MEA1: variants seen among roughly 807,000 people sequenced by gnomAD.
The protein encoded by MEA1 is male-enhanced antigen 1.
In MEA1, 22 loss-of-function variants were observed where a neutral mutation model predicts 21.4. That is an observed-to-expected ratio of 1.03 (90% CI 0.73 to 1.47). The LOEUF (loss-of-function observed/expected upper bound fraction) is 1.47. MEA1 is among the 40% of genes most tolerant of loss of function. The pLI, the probability that MEA1 is intolerant of heterozygous loss-of-function variation, is 0.00. For synonymous variants in MEA1, 91 were observed against 85.5 expected, an observed-to-expected ratio of 1.06 and a Z score of -0.35; for missense variants, 233 against 230.5, an observed-to-expected ratio of 1.01 and a Z score of -0.07.
In MEA1 at chr6:43,013,176, T is replaced by A. The variant is rs371497549; in HGVS notation, c.242A>T (p.Glu81Val). 1.2e-6 allele frequency: 2 copies of A among 1,614,136 alleles called. No homozygotes were observed. Among genetic ancestry groups the A allele is most frequent in the Non-Finnish European group, 8.5e-7 (1 of 1,180,002 alleles). Residue 81 changes from glutamate to valine, a missense_variant, in exon 2 of 4, where the codon GAG becomes GTG. Transcript: ENST00000244711. ...ATCCCCCACTGGTGCCAGTTCCACC[T>A]CCTCTTGTTCAGGATCTTGGTTCAG... ...QPLNQDPEQE[E>V]VELAPVGDGD...
upstream of MEA1, among the ~76,000 whole-genome samples, chr6:43,015,942 T>TG (rs1003259398): frequency 6.6e-6 from 1 of 151,284 alleles, no homozygotes; most frequent in African/African-American, 2.4e-5. Flanking sequence ...CCCTTCCCCT[T>TG]TTTTTTTGTT....
upstream of MEA1, chr6:43,014,022 C>G (rs1453414990): frequency 3.5e-6 from 5 of 1,423,184 alleles, no homozygotes; most frequent in Non-Finnish European, 4.6e-6. Context: ...CTTGCCCCGC[C>G]TCCGTCATTC....
intron 1 of MEA1, 122 bp downstream of exon 1, chr6:43,013,664 A>C (rs1038378928): frequency 1.9e-5 from 21 of 1,107,820 alleles, no homozygotes; most frequent in Non-Finnish European, 2.5e-5. Flanking sequence ...CACCCCTTCC[A>C]GAACCCCGGC....
At chr6:43,016,564 G>A (rs1273167030), upstream of MEA1, 2 of 152,388 alleles carry the variant, frequency 1.3e-5, no homozygotes, top group East Asian at 3.9e-4. Flanking sequence ...GCGGTAACAT[G>A]GAGGTCCCTG....
upstream of MEA1, among the ~76,000 whole-genome samples, chr6:43,015,590 C>T (rs1762549018): frequency 6.6e-6 from 1 of 152,262 alleles, no homozygotes; most frequent in South Asian, 2.1e-4. Flanking sequence ...TGGCTCACGC[C>T]TGTAATCCCA....
Position 43,011,310 on chromosome 6 carries a change from C to CCACAGCCCA in MEA1, c.*1151_*1159dup, listed in dbSNP as rs749097692. ...GACCCCTCACGTTCCTACCACAGGGCCACAGCCCACACAGCCCTGGGACAC... is the reference window on the plus strand; with the variant it reads ...GACCCCTCACGTTCCTACCACAGGGCCACAGCCCACACAGCCCACACAGCCCTGGGACAC... On this transcript the variant is annotated 3_prime_UTR_variant, in exon 4 of 4. Transcript: ENST00000244711. 6.2e-7 allele frequency: 1 copy of CCACAGCCCA among 1,612,900 alleles called. No individual in the cohort carries two copies. Among genetic ancestry groups the CCACAGCCCA allele is most frequent in the African/African-American group, 1.3e-5 (1 of 74,886 alleles).
rs1281152226 is a variant in MEA1 at position 43,012,607 on chromosome 6, C to T, written c.421G>A (p.Val141Met). ...IPMDPEHVEL[V>M]KRTMAGVSLP... The stretch of plus-strand genomic sequence containing the variant: ...CTTACTCCAGCCATTGTCCTTTTCA[C>T]CAGCTCTACATGTTCTGAAATCAGA... Residue 141 changes from valine (V) to methionine (M), a missense_variant, in exon 4 of 4, where the codon GTG (valine) becomes ATG (methionine). Val to Met is a conservative substitution (Grantham distance 21). Coordinates refer to ENST00000244711, the MANE Select transcript of MEA1 (RefSeq NM_014623.4). The T allele has an allele frequency of 5.0e-6, 8 of 1,607,438 alleles. No homozygotes were observed. In the South Asian group the frequency reaches 8.9e-5, roughly 18 times the overall value.
chr6:43,011,422 G>A lies in MEA1; in HGVS notation c.*1048C>T. 2 of 1,215,068 alleles carry A rather than the reference G, an allele frequency of 1.6e-6. No individual in the cohort carries two copies. The highest frequency in any genetic ancestry group is 2.3e-6 in the Non-Finnish European group (2 of 883,264). 75.3% of individuals were successfully genotyped at this position (1,215,068 alleles called of 1,614,324 possible). A position where few individuals can be genotyped will look rare whatever the true frequency, so the allele number is the denominator to read the frequency against. ...AGCTACTCAAGGGAGGGGGATGTGG[G>A]CACTTGAAGCAGGGACACCCACAGA... On this transcript the variant is annotated 3_prime_UTR_variant, in exon 4 of 4. Transcript: ENST00000244711.
Position 43,012,970 on chromosome 6 carries a change from CCCT to C in MEA1, c.359_361del (p.Glu120del), listed in dbSNP as rs368238057. On this transcript the variant is annotated inframe_deletion, in exon 3 of 4. Coordinates refer to ENST00000244711, the MANE Select transcript of MEA1 (RefSeq NM_014623.4). Reference sequence around the variant, plus strand: ...GCTGTGGTTGTTCAACGCTGTAGCTCCCTCCTCATCTTCATCTTCACTCTCTAA... The same window carrying C: ...GCTGTGGTTGTTCAACGCTGTAGCTCCCTCATCTTCATCTTCACTCTCTAA... 1.5e-3 allele frequency: 2,465 copies of C among 1,614,142 alleles called. 8 individuals carry two copies. The highest frequency in any genetic ancestry group is 8.4e-3 in the Middle Eastern group (51 of 6,062).
chr6:43,013,849 C>T lies in MEA1; in HGVS notation c.-36G>A, dbSNP rs1410484750. 5.2e-6 allele frequency: 8 copies of T among 1,545,516 alleles called. No individual in the cohort carries two copies. The highest frequency in any genetic ancestry group is 7.0e-6 in the Non-Finnish European group (8 of 1,148,466). On this transcript the variant is annotated 5_prime_UTR_variant, in exon 1 of 4. Coordinates refer to ENST00000244711, the MANE Select transcript of MEA1 (RefSeq NM_014623.4). ...CAAATGGCCCCAGCTGCAGCGTCCC[C>T]CACCCGCCCCCATCCGAATCCCGGC...
rs751373008 is a variant in MEA1 at position 43,013,847 on chromosome 6, C to T, written c.-34G>A. On this transcript the variant is annotated 5_prime_UTR_variant, in exon 1 of 4. Coordinates refer to ENST00000244711, the MANE Select transcript of MEA1 (RefSeq NM_014623.4). ...CTCAAATGGCCCCAGCTGCAGCGTCCCCCACCCGCCCCCATCCGAATCCCG... is the reference window on the plus strand; with the variant it reads ...CTCAAATGGCCCCAGCTGCAGCGTCTCCCACCCGCCCCCATCCGAATCCCG... The T allele has an allele frequency of 2.6e-6, 4 of 1,544,752 alleles. No individual in the cohort carries two copies. The highest frequency in any genetic ancestry group is 2.4e-5 in the South Asian group (2 of 83,138).
chr6:43,015,349 G>A (rs1762539231), upstream of MEA1, among the ~76,000 whole-genome samples: 1 of 152,120 alleles, frequency 6.6e-6, no homozygotes, highest in Admixed American at 6.6e-5. Context: ...TCCTGCAAGG[G>A]GCCTCCCTTA....
At chr6:43,013,058 T>C in intron 2 of MEA1, 30 bp from the exon 3 acceptor site, 1 of 1,614,168 alleles carries the variant, frequency 6.2e-7, no homozygotes. Flanking sequence ...CGTTTGGGTC[T>C]AGGCTTTCAG....
intron 3 of MEA1, 76 bp from the exon 4 acceptor site, chr6:43,012,697 C>T: frequency 2.7e-6 from 4 of 1,498,530 alleles, no homozygotes; most frequent in Non-Finnish European, 2.7e-6. Flanking sequence ...CGAATCAACC[C>T]AGAGCCCTTG....
At chr6:43,015,002 T>G (rs1762527171), upstream of MEA1, among the ~76,000 whole-genome samples, 1 of 152,176 alleles carries the variant, frequency 6.6e-6, no homozygotes, top group South Asian at 2.1e-4. Flanking sequence ...TTGAGTTGTT[T>G]ATATGGCAGA....
At chr6:43,015,112 G>C (rs1762531501), upstream of MEA1, among the ~76,000 whole-genome samples, 1 of 152,158 alleles carries the variant, frequency 6.6e-6, no homozygotes, top group Admixed American at 6.5e-5. Context: ...GAAGAATAGA[G>C]AATATAAGGG....
chr6:43,013,824 C>A lies in MEA1; in HGVS notation c.-11G>T, dbSNP rs752625082. ...CCTTTCAGGCCCCATGGGCTCCCCTCAAATGGCCCCAGCTGCAGCGTCCCC... is the reference window on the plus strand; with the variant it reads ...CCTTTCAGGCCCCATGGGCTCCCCTAAAATGGCCCCAGCTGCAGCGTCCCC... On this transcript the variant is annotated 5_prime_UTR_variant, in exon 1 of 4. Coordinates refer to ENST00000244711, the MANE Select transcript of MEA1 (RefSeq NM_014623.4). The A allele has an allele frequency of 3.1e-6, 5 of 1,603,142 alleles. No individual in the cohort carries two copies. Among genetic ancestry groups the A allele is most frequent in the Admixed American group, 1.7e-5 (1 of 58,960 alleles).
Position 43,011,198 on chromosome 6 carries a change from A to C in MEA1, c.*1272T>G. 1 of 1,614,150 alleles carries C rather than the reference A, an allele frequency of 6.2e-7. No individual in the cohort carries two copies. The highest frequency in any genetic ancestry group is 8.5e-7 in the Non-Finnish European group (1 of 1,180,024). On this transcript the variant is annotated 3_prime_UTR_variant, in exon 4 of 4. Coordinates refer to ENST00000244711, the MANE Select transcript of MEA1 (RefSeq NM_014623.4). ...AAAGTGCTGCTGCGGAGGAAGTCGGAGCTGCCCCAGGACGTGTACACCATC... is the reference window on the plus strand; with the variant it reads ...AAAGTGCTGCTGCGGAGGAAGTCGGCGCTGCCCCAGGACGTGTACACCATC...
At chr6:43,014,265 A>G, upstream of MEA1, 1 of 908,972 alleles carries the variant, frequency 1.1e-6, no homozygotes, top group African/African-American at 1.7e-5. Flanking sequence ...CTCGTTGGGG[A>G]CTAAGGCGTC....
Sources: allele counts gnomAD v4.1 joint callset (sites outside exome capture counted in the v4.1 genomes callset), GRCh38; gene constraint gnomAD v4.1.1; transcripts MANE v1.5; gene names NCBI Gene and HGNC (gene_info 2026-07-23, HGNC 2026-07-21).